KIF1B: variants seen among roughly 807,000 people sequenced by gnomAD.
KIF1B encodes kinesin family member 1B.
In KIF1B, 76 loss-of-function variants were observed where a neutral mutation model predicts 241.9. That is an observed-to-expected ratio of 0.31 (90% CI 0.26 to 0.38). The LOEUF (loss-of-function observed/expected upper bound fraction) is 0.38, where lower values mean the gene tolerates loss of function less well. Among genes scored for constraint, KIF1B ranks in the 10% least tolerant of loss-of-function variants. KIF1B has a pLI of 1.00. For synonymous variants in KIF1B, 750 were observed against 796.7 expected (o/e 0.94, Z 0.99); for missense variants, 1,622 against 2,271.4 (o/e 0.71, Z 5.81).
intron 6 of KIF1B, 115 bp from the exon 7 acceptor site, chr1:10,268,037 A>C (rs1431883470): frequency 2.6e-6 from 2 of 756,594 alleles, no homozygotes; most frequent in Non-Finnish European, 4.7e-6. Context: ...GCAATCTGTG[A>C]ATAAGTTTAA....
intron 7 of KIF1B, among the ~76,000 whole-genome samples, chr1:10,271,190 A>C (rs946460158): frequency 6.6e-6 from 1 of 151,906 alleles, no homozygotes; most frequent in African/African-American, 2.4e-5. Flanking sequence ...TTAATTAAAA[A>C]AAATTTTTTT....
chr1:10,276,504 A>C (rs1649116390), intron 12 of KIF1B, 105 bp downstream of exon 12: 1 of 777,702 alleles, frequency 1.3e-6, no homozygotes, highest in East Asian at 2.7e-5. Flanking sequence ...ATTTATGTAA[A>C]TAATGTTCCT....
Position 10,303,103 on chromosome 1 carries a change from CT to C in KIF1B, c.2115+5863del. On this transcript the variant is annotated intron_variant, in intron 22 of 48. Coordinates refer to ENST00000676179, the MANE Select transcript of KIF1B (RefSeq NM_001365951.3). The surrounding 1 kb of genome is among the most constrained non-coding windows in gnomAD (Gnocchi z 5.2). ...TTGCTTTTTCTTCGATTTAATTTTC[CT>C]TTTTTACATTTTAATTTTGGTTATT... The C allele has an allele frequency of 1.3e-6, 2 of 1,546,814 alleles. No homozygotes were observed. The highest frequency in any genetic ancestry group is 2.1e-5 in the Admixed American group (1 of 48,504).
chr1:10,211,457 C>T (rs1011256598), intron 1 of KIF1B, among the ~76,000 whole-genome samples: 1 of 151,886 alleles, frequency 6.6e-6, no homozygotes, highest in Non-Finnish European at 1.5e-5. Flanking sequence ...CTGGTGTGGT[C>T]TCGGCATTCA....
At chr1:10,352,490 G>T (rs111801443) in intron 37 of KIF1B, 141 bp from the exon 38 acceptor site, 4 of 696,250 alleles carry the variant, frequency 5.7e-6, no homozygotes, top group Non-Finnish European at 1.0e-5. Context: ...GAGTCAGACC[G>T]TGGAGGACCC....
chr1:10,252,257 C>T (rs567002826), intron 2 of KIF1B, among the ~76,000 whole-genome samples: 2 of 152,008 alleles, frequency 1.3e-5, no homozygotes, highest in Admixed American at 6.6e-5. Context: ...CCAGGCTGGT[C>T]GCAAACTCCT....
chr1:10,362,120 C>G (rs1407697624), intron 40 of KIF1B, among the ~76,000 whole-genome samples: 1 of 152,136 alleles, frequency 6.6e-6, no homozygotes, highest in Non-Finnish European at 1.5e-5. Context: ...TAACAGAGTA[C>G]CATTGAAATT....
chr1:10,262,080 C>T (rs1224023395), intron 5 of KIF1B, 110 bp downstream of exon 5: 21 of 796,198 alleles, frequency 2.6e-5, no homozygotes, highest in Non-Finnish European at 3.9e-5. Flanking sequence ...ACCATTCCTT[C>T]ATTTTTGTCC....
At chr1:10,286,942 GC>G (rs995565951) in intron 15 of KIF1B, among the ~76,000 whole-genome samples, 3 of 151,978 alleles carry the variant, frequency 2.0e-5, no homozygotes, top group African/African-American at 7.3e-5. Flanking sequence ...CTTACATTAG[GC>G]CCCTAGAGTG....
intron 2 of KIF1B, among the ~76,000 whole-genome samples, chr1:10,236,278 A>ACAACAG (rs1647050637): frequency 7.1e-6 from 1 of 141,054 alleles, no homozygotes; most frequent in Non-Finnish European, 1.6e-5. Context: ...TCCCAAAACA[A>ACAACAG]CAACAACAAC....
intron 28 of KIF1B, 21 bp from the exon 29 acceptor site, chr1:10,336,635 CT>C (rs1395683676): frequency 6.2e-7 from 1 of 1,602,318 alleles, no homozygotes; most frequent in Non-Finnish European, 8.6e-7. Flanking sequence ...TCAATTCTTG[CT>C]AATTTTTTTT....
In KIF1B at chr1:10,210,614, C is replaced by A. The variant is rs912360901; in HGVS notation, c.-344C>A. Reference sequence around the variant, plus strand: ...TGGGAGGCGCCCGCGCGCGTCGGAGCAGCTCCCCGTCCTCCGCAGCCGTCA... The same window carrying A: ...TGGGAGGCGCCCGCGCGCGTCGGAGAAGCTCCCCGTCCTCCGCAGCCGTCA... On this transcript the variant is annotated 5_prime_UTR_variant, in exon 1 of 49. Transcript: ENST00000676179. This position sits in a 1 kb window ranked among gnomAD's most constrained non-coding sequence, Gnocchi z 4.1. 2.6e-5 allele frequency among the ~76,000 whole-genome samples: 4 copies of A among 151,840 alleles called. No homozygotes were observed. The highest frequency in any genetic ancestry group is 6.6e-5 in the Admixed American group (1 of 15,248).
At position 10,303,350 on chromosome 1, in the gene KIF1B, G is replaced by A. The variant is rs370312737; in HGVS notation, c.2115+6104G>A. 7.9e-5 allele frequency: 127 copies of A among 1,614,054 alleles called. No homozygotes were observed. The highest frequency in any genetic ancestry group is 9.7e-5 in the Non-Finnish European group (115 of 1,180,030). ...ATGTATCAGATACCCCAAAGAAGGC[G>A]CTTGAGTAAAGATTCCAAGTGGGTC... On this transcript the variant is annotated intron_variant, in intron 22 of 48. Coordinates refer to ENST00000676179, the MANE Select transcript of KIF1B (RefSeq NM_001365951.3). The surrounding 1 kb of genome is among the most constrained non-coding windows in gnomAD (Gnocchi z 5.2).
rs147182802 is a variant in KIF1B at position 10,357,960 on chromosome 1, G to A, written c.4056-2969G>A. On this transcript the variant is annotated intron_variant, in intron 38 of 48. Coordinates refer to ENST00000676179, the MANE Select transcript of KIF1B (RefSeq NM_001365951.3). Reference sequence around the variant, plus strand: ...GGAGGCGGAGGTTGCAGTGAGCCAAGATCGCACCATTGCACTCCAGCCTGG... The same window carrying A: ...GGAGGCGGAGGTTGCAGTGAGCCAAAATCGCACCATTGCACTCCAGCCTGG... Among the ~76,000 whole-genome samples, 992 of 152,202 alleles carry A rather than the reference G, an allele frequency of 6.5e-3. 11 individuals are homozygous for A. The highest frequency in any genetic ancestry group is 0.037 in the Middle Eastern group (11 of 294).
intron 4 of KIF1B, among the ~76,000 whole-genome samples, chr1:10,261,497 C>T (rs189833407): frequency 1.6e-3 from 247 of 152,252 alleles, no homozygotes; most frequent in African/African-American, 5.5e-3. Context: ...CTGCCTCGTC[C>T]TCCCAAAGTG....
intron 2 of KIF1B, among the ~76,000 whole-genome samples, chr1:10,241,222 C>A (rs1019915367): frequency 1.3e-5 from 2 of 152,034 alleles, no homozygotes; most frequent in African/African-American, 4.8e-5. Context: ...AGTGATCCGC[C>A]TACCTCACTC....
chr1:10,352,891 C>T (rs1465934948), intron 38 of KIF1B, among the ~76,000 whole-genome samples, 155 bp downstream of exon 38: 2 of 152,132 alleles, frequency 1.3e-5, no homozygotes, highest in South Asian at 4.1e-4. Context: ...TCTTCACCTG[C>T]CTGCTGTACT....
At chr1:10,296,061 C>T (rs1048905371) in intron 19 of KIF1B, among the ~76,000 whole-genome samples, 2 of 152,114 alleles carry the variant, frequency 1.3e-5, no homozygotes, top group Non-Finnish European at 2.9e-5. Flanking sequence ...AGCAGATATC[C>T]TGGGTAATAG....
chr1:10,353,766 T>C (rs534171735), intron 38 of KIF1B, among the ~76,000 whole-genome samples: 1 of 152,082 alleles, frequency 6.6e-6, no homozygotes, highest in African/African-American at 2.4e-5. Context: ...GCAGGGGCTG[T>C]GGAGAAAGAG....
Sources: allele counts gnomAD v4.1 joint callset (sites outside exome capture counted in the v4.1 genomes callset), GRCh38; gene constraint gnomAD v4.1.1; non-coding constraint Gnocchi (gnomAD v3.1); transcripts MANE v1.5; gene names NCBI Gene and HGNC (gene_info 2026-07-23, HGNC 2026-07-21).